Variants in CLIP2 observed in about 807,000 individuals in gnomAD.
The protein encoded by CLIP2 is CAP-Gly domain-containing linker protein 2.
Under a neutral mutation model 111.7 loss-of-function variants are expected in CLIP2, and 41 were observed. The ratio of observed to expected loss-of-function variants is 0.37; its 90% CI spans 0.29 to 0.48. The LOEUF is 0.48. Ranked by LOEUF, CLIP2 falls within the 20% of genes least tolerant of loss-of-function variation. The pLI is 0.99. For synonymous variants in CLIP2, 660 were observed against 644.2 expected, an observed-to-expected ratio of 1.02 and a Z score of -0.37; for missense variants, 1,160 against 1,422.1, an observed-to-expected ratio of 0.82 and a Z score of 2.96.
chr7:74,315,082 T>C (rs1176172970), intron 1 of CLIP2, among the ~76,000 whole-genome samples: 2 of 151,776 alleles, frequency 1.3e-5, no homozygotes, highest in Non-Finnish European at 2.9e-5. Context: ...TTGAGAGCAG[T>C]CTGGCCAACA....
In CLIP2 at chr7:74,363,735, A is replaced by T. The variant is rs538092508; in HGVS notation, c.1320-520A>T. ...CCCTGTCTCTACTAAAACTACAAAAATTTTTTATTGAGGTTGCATGCCCAG... is the reference window on the plus strand; with the variant it reads ...CCCTGTCTCTACTAAAACTACAAAATTTTTTTATTGAGGTTGCATGCCCAG... On this transcript the variant is annotated intron_variant, in intron 7 of 16. Coordinates refer to ENST00000223398, the MANE Select transcript of CLIP2 (RefSeq NM_003388.5). 1.2e-4 allele frequency among the ~76,000 whole-genome samples: 18 copies of T among 152,128 alleles called. No individual in the cohort carries two copies. In the South Asian group the frequency reaches 3.7e-3, roughly 32 times the overall value.
At chr7:74,390,940 T>C (rs1407890691) in intron 13 of CLIP2, among the ~76,000 whole-genome samples, 19 of 151,820 alleles carry the variant, frequency 1.3e-4, no homozygotes, top group Non-Finnish European at 8.8e-5. Flanking sequence ...TCCCAGCTAC[T>C]CGGGAGGCTG....
At chr7:74,380,516 G>A (rs1486949381) in intron 10 of CLIP2, 4 of 244,810 alleles carry the variant, frequency 1.6e-5, no homozygotes, top group Non-Finnish European at 3.1e-5. Context: ...GGAGCCATCT[G>A]TTTAATATAA....
At chr7:74,336,860 GTT>G (rs376463523) in intron 2 of CLIP2, among the ~76,000 whole-genome samples, 21 of 140,622 alleles carry the variant, frequency 1.5e-4, no homozygotes, top group East Asian at 4.2e-4. Context: ...TGTTTTTTTT[GTT>G]TTTTTTTTTT....
chr7:74,349,476 A>ATATATATATATATG, intron 3 of CLIP2, among the ~76,000 whole-genome samples: 1 of 102,820 alleles, frequency 9.7e-6, no homozygotes, highest in South Asian at 3.4e-4. Context: ...GTGTGTATAT[A>ATATATATATATATG]TATATATATA....
rs1354652387 is a variant in CLIP2 at position 74,292,400 on chromosome 7, T to A, written c.-68+2666T>A. ...ACTTTGTGGAGAATTGTTCTGAGCT[T>A]TTTTGAGACAGCATCTTGCTCTGTC... On this transcript the variant is annotated intron_variant, in intron 1 of 16. Coordinates refer to ENST00000223398, the MANE Select transcript of CLIP2 (RefSeq NM_003388.5). 2.0e-5 allele frequency among the ~76,000 whole-genome samples: 3 copies of A among 152,154 alleles called. No individual in the cohort carries two copies. The East Asian group carries it at 5.8e-4, about 29-fold the overall frequency.
At chr7:74,341,794 T>C (rs1275571145) in intron 3 of CLIP2, among the ~76,000 whole-genome samples, 2 of 152,022 alleles carry the variant, frequency 1.3e-5, no homozygotes, top group Non-Finnish European at 2.9e-5. Flanking sequence ...GGACAGAACT[T>C]CCCCTGGGTG....
At chr7:74,395,151 C>A (rs574337345) in intron 13 of CLIP2, among the ~76,000 whole-genome samples, 1 of 151,940 alleles carries the variant, frequency 6.6e-6, no homozygotes, top group South Asian at 2.1e-4. Flanking sequence ...AGGATACCTT[C>A]TTTTTCTTCT....
chr7:74,344,497 T>C (rs1490767857), intron 3 of CLIP2, among the ~76,000 whole-genome samples: 1 of 152,126 alleles, frequency 6.6e-6, no homozygotes, highest in Non-Finnish European at 1.5e-5. Context: ...TCCTCCTGCC[T>C]CAACTTCTCG....
chr7:74,357,782 A>C (rs1202667335), intron 6 of CLIP2, among the ~76,000 whole-genome samples: 1 of 146,982 alleles, frequency 6.8e-6, no homozygotes, highest in Non-Finnish European at 1.5e-5. Flanking sequence ...TTTTTGACGG[A>C]ATCTCATTCT....
intron 16 of CLIP2, among the ~76,000 whole-genome samples, chr7:74,403,270 C>T (rs889773176): frequency 6.6e-6 from 1 of 150,614 alleles, no homozygotes; most frequent in Admixed American, 6.6e-5. Context: ...ACTGAGGGCT[C>T]TTTGTAAAAC....
intron 8 of CLIP2, among the ~76,000 whole-genome samples, chr7:74,370,044 G>T (rs1790567372): frequency 1.4e-5 from 1 of 73,936 alleles, no homozygotes. Flanking sequence ...TGTAATTCCA[G>T]CTACTCGGAA....
Position 74,398,673 on chromosome 7 carries a change from G to A in CLIP2, c.2880+1440G>A, listed in dbSNP as rs544471728. Among the ~76,000 whole-genome samples, 32 of 152,322 alleles carry A rather than the reference G, an allele frequency of 2.1e-4. No individual in the cohort carries two copies. In the East Asian group the frequency reaches 5.2e-3, roughly 25 times the overall value. On this transcript the variant is annotated intron_variant, in intron 14 of 16. Coordinates refer to ENST00000223398, the MANE Select transcript of CLIP2 (RefSeq NM_003388.5). ...GTAGGCCCTTGGCCCTCAGGGTTCCGGGATAAAGAGCATCACTCTGGCCAC... is the reference window on the plus strand; with the variant it reads ...GTAGGCCCTTGGCCCTCAGGGTTCCAGGATAAAGAGCATCACTCTGGCCAC...
At chr7:74,375,254 T>TA (rs113498214) in intron 9 of CLIP2, among the ~76,000 whole-genome samples, 3,725 of 142,244 alleles carry the variant, frequency 0.026, 108 homozygotes, top group African/African-American at 0.077. Context: ...CCGTCTCTTT[T>TA]AAAAAAAAAA....
intron 3 of CLIP2, among the ~76,000 whole-genome samples, chr7:74,339,384 T>C (rs1224809243): frequency 6.6e-6 from 1 of 152,094 alleles, no homozygotes; most frequent in African/African-American, 2.4e-5. Flanking sequence ...CAGCTCACTG[T>C]AACCTCCACC....
intron 2 of CLIP2, among the ~76,000 whole-genome samples, chr7:74,337,707 C>A (rs956563834): frequency 6.6e-6 from 1 of 152,058 alleles, no homozygotes. Context: ...GTGATCCTCC[C>A]ACCTTAGCCT....
chr7:74,397,252 G>T lies in CLIP2; in HGVS notation c.2880+19G>T, dbSNP rs199957930. The T allele has an allele frequency of 3.1e-6, 5 of 1,610,782 alleles. No individual in the cohort carries two copies. In the Middle Eastern group the frequency reaches 8.4e-4, roughly 270 times the overall value. On this transcript the variant is annotated intron_variant, in intron 14 of 16. Transcript: ENST00000223398. The stretch of plus-strand genomic sequence containing the variant: ...CGGGCTGGTATGTGGGGTAGGGGTG[G>T]CCTAGGGGCAGGGGCACTAGTCCGG...
chr7:74,375,992 C>A lies in CLIP2; in HGVS notation c.1591C>A (p.Pro531Thr), dbSNP rs781955913. The A allele has an allele frequency of 6.2e-7, 1 of 1,611,338 alleles. No individual in the cohort carries two copies. ...CCAGCAGTGCCTGTTGCACTCGGGT[C>A]CCCCACCTCCGGACCACCCAGACGC... ...ELQQCLLHSGPPPPDHPDAAE... is the reference protein window; with the variant it reads ...ELQQCLLHSGTPPPDHPDAAE... Residue 531 changes from proline to threonine, a missense_variant, in exon 10 of 17, where the codon CCC (proline) becomes ACC (threonine). Pro to Thr is a conservative substitution (Grantham distance 38). Around this residue, in one of 5 missense-constraint regions of CLIP2, gnomAD observed 676 missense variants for 777.8 expected, o/e 0.87. Coordinates refer to ENST00000223398, the MANE Select transcript of CLIP2 (RefSeq NM_003388.5).
At chr7:74,363,008 T>TC (rs1256467902) in intron 7 of CLIP2, among the ~76,000 whole-genome samples, 1 of 151,896 alleles carries the variant, frequency 6.6e-6, no homozygotes, top group East Asian at 1.9e-4. Context: ...TTTGAGCTTT[T>TC]TTTTTTTTCC....
Sources: allele counts gnomAD v4.1 joint callset (sites outside exome capture counted in the v4.1 genomes callset), GRCh38; gene constraint gnomAD v4.1.1; regional missense constraint gnomAD v4.1.1; transcripts MANE v1.5; gene names NCBI Gene and HGNC (gene_info 2026-07-23, HGNC 2026-07-21).